DHX32: variants seen among roughly 807,000 people sequenced by gnomAD.
DHX32 encodes DEAH-box helicase 32 (putative), also known as putative pre-mRNA-splicing factor ATP-dependent RNA helicase DHX32.
Under a neutral mutation model 70.0 loss-of-function variants are expected in DHX32, and 51 were observed. The ratio of observed to expected loss-of-function variants is 0.73; its 90% CI spans 0.58 to 0.92. DHX32 has a LOEUF of 0.92. Among genes scored for constraint, DHX32 ranks in the 40% least tolerant of loss-of-function variants. DHX32 has a pLI of 0.00. For synonymous variants in DHX32, 310 were observed against 315.3 expected (o/e 0.98, Z 0.18); for missense variants, 762 against 891.8 (o/e 0.85, Z 1.85).
In DHX32 at chr10:125,872,539, T is replaced by C. The variant is rs144270126; in HGVS notation, c.283-5356A>G. On this transcript the variant is annotated intron_variant, in intron 1 of 10. Transcript: ENST00000284690. ...TTTCATGTGATTTATCCTGGGAGTT[T>C]GGTGATGTGCAACCCTTGGATTTAC... Among the ~76,000 whole-genome samples, 7 of 152,364 alleles carry C rather than the reference T, an allele frequency of 4.6e-5. No homozygotes were observed. In the East Asian group the frequency reaches 1.3e-3, roughly 29 times the overall value.
intron 10 of DHX32, among the ~76,000 whole-genome samples, chr10:125,837,204 G>T (rs944033940): frequency 6.6e-6 from 1 of 152,176 alleles, no homozygotes; most frequent in Admixed American, 6.5e-5. Flanking sequence ...AGGGGAGAGA[G>T]GGGGTATCTT....
chr10:125,843,611 CAAAA>C (rs879669432), intron 6 of DHX32, among the ~76,000 whole-genome samples: 2 of 132,440 alleles, frequency 1.5e-5, no homozygotes, highest in Admixed American at 1.5e-4. Context: ...GACTCCGTCT[CAAAA>C]AAAAAAAAAC....
chr10:125,878,593 A>G (rs1944298230), intron 1 of DHX32, among the ~76,000 whole-genome samples: 4 of 152,070 alleles, frequency 2.6e-5, no homozygotes. Context: ...TTCTTCTGTT[A>G]ATTTGTCTTT....
chr10:125,846,250 C>A (rs868243864), intron 6 of DHX32, among the ~76,000 whole-genome samples: 1 of 152,200 alleles, frequency 6.6e-6, no homozygotes, highest in Non-Finnish European at 1.5e-5. Flanking sequence ...AGACTCTCCC[C>A]ACCCTCATAC....
chr10:125,865,035 C>T (rs1180405111), intron 2 of DHX32, among the ~76,000 whole-genome samples: 3 of 145,054 alleles, frequency 2.1e-5, no homozygotes, highest in African/African-American at 5.0e-5. Context: ...TTAAAAATGA[C>T]TACATTAAAG....
chr10:125,881,306 C>T (rs1310782964), upstream of DHX32: 1 of 153,730 alleles, frequency 6.5e-6, no homozygotes, highest in Admixed American at 6.5e-5. Context: ...GGGCCTCGTG[C>T]TCTCTGCCTG....
At chr10:125,865,616 AT>A (rs1944216085) in intron 2 of DHX32, among the ~76,000 whole-genome samples, 1 of 151,966 alleles carries the variant, frequency 6.6e-6, no homozygotes, top group East Asian at 1.9e-4. Context: ...TGCAGCCTCG[AT>A]TTCCTGGACT....
chr10:125,877,290 G>C (rs542235966), intron 1 of DHX32, among the ~76,000 whole-genome samples: 6 of 152,138 alleles, frequency 3.9e-5, no homozygotes, highest in African/African-American at 1.4e-4. Flanking sequence ...CAATAACAGC[G>C]TAACAAAGAA....
chr10:125,856,811 C>T (rs1944151074), intron 3 of DHX32, among the ~76,000 whole-genome samples: 1 of 152,006 alleles, frequency 6.6e-6, no homozygotes, highest in African/African-American at 2.4e-5. Context: ...CAAAAACTAG[C>T]TGGGCATACT....
intron 1 of DHX32, among the ~76,000 whole-genome samples, chr10:125,888,561 T>C (rs554316822): frequency 2.3e-4 from 35 of 152,400 alleles, no homozygotes; most frequent in East Asian, 9.6e-4. Context: ...AAGGGTGAAA[T>C]AGTAAATTAG....
chr10:125,883,810 G>A (rs1014483021), upstream of DHX32, among the ~76,000 whole-genome samples: 3 of 152,170 alleles, frequency 2.0e-5, no homozygotes, highest in Admixed American at 2.0e-4. Flanking sequence ...AAAACAGAAT[G>A]ATGTCCTCAG....
Position 125,852,359 on chromosome 10 carries a change from T to C in DHX32, c.1285A>G (p.Met429Val). 1 of 1,614,204 alleles carries C rather than the reference T, an allele frequency of 6.2e-7. No individual in the cohort carries two copies. The highest frequency in any genetic ancestry group is 8.5e-7 in the Non-Finnish European group (1 of 1,180,034). Reference sequence around the variant, plus strand: ...TCTATCCTCTTCATAAAAAGCACCATGCTTGTTAGGTTGGCTTCCTGCATT... The same window carrying C: ...TCTATCCTCTTCATAAAAAGCACCACGCTTGTTAGGTTGGCTTCCTGCATT... ...AEMQEANLTS[M>V]VLFMKRIDIA... Residue 429 changes from methionine to valine, a missense_variant, in exon 6 of 11, where the codon ATG (methionine) becomes GTG (valine). Met to Val is a conservative substitution (Grantham distance 21). Coordinates refer to ENST00000284690, the MANE Select transcript of DHX32 (RefSeq NM_018180.3).
chr10:125,887,253 A>G (rs1480817776), intron 1 of DHX32, among the ~76,000 whole-genome samples: 18 of 152,196 alleles, frequency 1.2e-4, no homozygotes, highest in Admixed American at 1.2e-3. Context: ...ATGTGTCTGC[A>G]ATGTGAACAT....
rs1053763955 is a variant in DHX32 at position 125,852,457 on chromosome 10, A to C, written c.1193-6T>G. On this transcript the variant is annotated splice_region_variant and splice_polypyrimidine_tract_variant and intron_variant, in intron 5 of 10. Transcript: ENST00000284690. ...GTACAGGCAGAAAAATTTTCCTAAA[A>C]GACACCAAGAAAAATGGCTTTAATA... is the stretch of plus-strand genomic sequence containing the variant. The C allele has an allele frequency of 1.9e-6, 3 of 1,614,022 alleles. No homozygotes were observed. Among genetic ancestry groups the C allele is most frequent in the African/African-American group, 2.7e-5 (2 of 75,006 alleles).
chr10:125,876,204 C>T (rs1197840347), intron 1 of DHX32, among the ~76,000 whole-genome samples: 2 of 152,204 alleles, frequency 1.3e-5, no homozygotes, highest in African/African-American at 2.4e-5. Context: ...CATTCCTTAG[C>T]CCCCTGCCCA....
At chr10:125,864,130 G>A (rs1005810033) in intron 2 of DHX32, among the ~76,000 whole-genome samples, 5 of 152,140 alleles carry the variant, frequency 3.3e-5, no homozygotes, top group African/African-American at 1.2e-4. Flanking sequence ...TTTATCATAG[G>A]GGTCTTTTCA....
intron 1 of DHX32, among the ~76,000 whole-genome samples, chr10:125,875,591 T>G (rs1194710624): frequency 1.3e-5 from 2 of 152,254 alleles, no homozygotes; most frequent in Non-Finnish European, 2.9e-5. Flanking sequence ...CTAAATAATG[T>G]GTAGAAGGCA....
At chr10:125,858,138 T>C (rs1031388118) in intron 3 of DHX32, among the ~76,000 whole-genome samples, 4 of 152,072 alleles carry the variant, frequency 2.6e-5, no homozygotes, top group African/African-American at 9.7e-5. Context: ...TGGCCTCACG[T>C]GATCCTCCCG....
In DHX32 at chr10:125,836,948, ATC is replaced by A; in HGVS notation, c.2064-95_2064-94del. On this transcript the variant is annotated intron_variant, in intron 10 of 10. Transcript: ENST00000284690. ...TCTGGGCACTTCCCATCCCTGGAGA[ATC>A]TACCTGTAGAACCGGTATTTAATTT... 2.8e-6 allele frequency: 3 copies of A among 1,067,936 alleles called. No individual in the cohort carries two copies. The South Asian group carries it at 4.5e-5, about 16-fold the overall frequency. 66.2% of individuals were successfully genotyped at this position (1,067,936 alleles called of 1,614,324 possible). A position where few individuals can be genotyped will look rare whatever the true frequency, so the allele number is the denominator to read the frequency against.
Sources: allele counts gnomAD v4.1 joint callset (sites outside exome capture counted in the v4.1 genomes callset), GRCh38; gene constraint gnomAD v4.1.1; transcripts MANE v1.5; gene names NCBI Gene and HGNC (gene_info 2026-07-23, HGNC 2026-07-21).